STX8: variants seen among roughly 807,000 people sequenced by gnomAD.
The protein encoded by STX8 is syntaxin-8.
In STX8, 23 loss-of-function variants were observed where a neutral mutation model predicts 37.5. The observed-to-expected ratio is 0.61, with a 90% CI of 0.44 to 0.87. STX8 has a LOEUF of 0.87. Ranked by LOEUF, STX8 falls within the 40% of genes least tolerant of loss-of-function variation. STX8 has a pLI of 0.00. For missense variants in STX8, 313 were observed against 284.7 expected, an observed-to-expected ratio of 1.10 and a Z score of -0.71; for synonymous variants, 115 against 99.1, an observed-to-expected ratio of 1.16 and a Z score of -0.95.
chr17:9,555,165 G>T (rs1244340611), intron 3 of STX8: 1 of 152,074 alleles, frequency 6.6e-6, no homozygotes, highest in African/African-American at 2.4e-5. Context: ...AATAACTCTT[G>T]TTCAGTGTTT....
At chr17:9,474,589 G>C (rs1030115756) in intron 6 of STX8, among the ~76,000 whole-genome samples, 4 of 152,196 alleles carry the variant, frequency 2.6e-5, no homozygotes, top group African/African-American at 9.7e-5. Flanking sequence ...ACAGGTTTAA[G>C]GGCTTGATCC....
Position 9,250,636 on chromosome 17 carries a change from A to T in STX8, c.653T>A (p.Met218Lys). 6.3e-7 allele frequency: 1 copy of T among 1,598,092 alleles called. No individual in the cohort carries two copies. The highest frequency in any genetic ancestry group is 8.5e-7 in the Non-Finnish European group (1 of 1,172,290). The stretch of plus-strand genomic sequence containing the variant: ...AGCCACAAGCAGCAGTAAAATCACC[A>T]TGATCATCCCTGGAAAAAAGCAGCA... ...DRKSASCGMI[M>K]VILLLLVAIV... is the part of the protein sequence containing the mutation. Residue 218 changes from methionine (M) to lysine (K), a missense_variant, in exon 8 of 8, where the codon ATG (methionine) becomes AAG (lysine). Coordinates refer to ENST00000306357, the MANE Select transcript of STX8 (RefSeq NM_004853.3).
chr17:9,250,648 G>A lies in STX8; in HGVS notation c.644-3C>T, dbSNP rs775460606. 6.3e-7 allele frequency: 1 copy of A among 1,592,930 alleles called. No individual in the cohort carries two copies. The highest frequency in any genetic ancestry group is 8.6e-7 in the Non-Finnish European group (1 of 1,169,414). On this transcript the variant is annotated splice_region_variant and splice_polypyrimidine_tract_variant and intron_variant, in intron 7 of 7. Coordinates refer to ENST00000306357, the MANE Select transcript of STX8 (RefSeq NM_004853.3). ...CAGTAAAATCACCATGATCATCCCT[G>A]GAAAAAAGCAGCAGAAAATACTACT...
chr17:9,429,743 T>A (rs1229289807), intron 6 of STX8, among the ~76,000 whole-genome samples: 49 of 28,342 alleles, frequency 1.7e-3, no homozygotes, highest in Middle Eastern at 0.017. Context: ...TATTATATAT[T>A]ATATATATTA....
chr17:9,302,089 A>C (rs1284618630), intron 7 of STX8, among the ~76,000 whole-genome samples: 11 of 152,156 alleles, frequency 7.2e-5, no homozygotes, highest in Non-Finnish European at 1.3e-4. Context: ...AATTCTTTGT[A>C]CACTCCTCCT....
At chr17:9,404,859 G>A (rs1912752138) in intron 6 of STX8, among the ~76,000 whole-genome samples, 1 of 152,160 alleles carries the variant, frequency 6.6e-6, no homozygotes, top group African/African-American at 2.4e-5. Flanking sequence ...TCTGGCACTG[G>A]TTTGGAAGCA....
At chr17:9,409,540 G>A (rs1042219497) in intron 6 of STX8, among the ~76,000 whole-genome samples, 16 of 152,056 alleles carry the variant, frequency 1.1e-4, no homozygotes, top group African/African-American at 3.6e-4. Context: ...AATTTCTCAG[G>A]GGAATCGTTC....
At chr17:9,430,770 C>T (rs1913933309) in intron 6 of STX8, among the ~76,000 whole-genome samples, 1 of 151,906 alleles carries the variant, frequency 6.6e-6, no homozygotes. Context: ...CTGCCTCAAC[C>T]TCCCAAGTAG....
chr17:9,367,163 G>GT (rs1198442595), intron 7 of STX8, among the ~76,000 whole-genome samples: 17 of 141,114 alleles, frequency 1.2e-4, no homozygotes, highest in East Asian at 4.0e-4. Context: ...GTGGGTTTTT[G>GT]TTTTTTTTGT....
intron 4 of STX8, among the ~76,000 whole-genome samples, chr17:9,515,175 G>T (rs541056819): frequency 6.6e-6 from 1 of 152,074 alleles, no homozygotes; most frequent in Non-Finnish European, 1.5e-5. Context: ...GTCTAATGTC[G>T]TACTTGGAAG....
chr17:9,370,922 GA>G (rs11435753), intron 7 of STX8, among the ~76,000 whole-genome samples: 2,159 of 141,604 alleles, frequency 0.015, 58 homozygotes, highest in African/African-American at 0.047. Context: ...TTAGAAGCTA[GA>G]AAAAAAAAAA....
chr17:9,252,580 G>C (rs1906625313), intron 7 of STX8, among the ~76,000 whole-genome samples: 1 of 145,948 alleles, frequency 6.9e-6, no homozygotes, highest in African/African-American at 2.6e-5. Flanking sequence ...CTGCAATACA[G>C]CCTGTGCAAC....
chr17:9,479,088 T>C (rs1456473479), intron 6 of STX8, among the ~76,000 whole-genome samples: 3 of 152,294 alleles, frequency 2.0e-5, no homozygotes, highest in South Asian at 2.1e-4. Flanking sequence ...CAGTCACACA[T>C]GCAGCTGGTA....
intron 7 of STX8, among the ~76,000 whole-genome samples, chr17:9,348,626 T>C (rs753784366): frequency 6.6e-6 from 1 of 152,176 alleles, no homozygotes; most frequent in Non-Finnish European, 1.5e-5. Flanking sequence ...TTTGTGCTAG[T>C]TGCTGGGAAT....
At chr17:9,309,372 G>A (rs957067313) in intron 7 of STX8, among the ~76,000 whole-genome samples, 3 of 152,118 alleles carry the variant, frequency 2.0e-5, no homozygotes, top group Non-Finnish European at 4.4e-5. Context: ...AATTAACTCA[G>A]GGCTTCTTCT....
intron 6 of STX8, among the ~76,000 whole-genome samples, chr17:9,416,089 A>G (rs1913182063): frequency 6.6e-6 from 1 of 152,180 alleles, no homozygotes; most frequent in Non-Finnish European, 1.5e-5. Flanking sequence ...GTGTCTCCAG[A>G]GCTGTGCTGA....
At chr17:9,363,078 G>A (rs1337845119) in intron 7 of STX8, among the ~76,000 whole-genome samples, 5 of 152,088 alleles carry the variant, frequency 3.3e-5, no homozygotes, top group African/African-American at 9.7e-5. Context: ...GTGAGTGCAC[G>A]TGTGTATACA....
At chr17:9,544,492 A>G (rs778255637) in intron 4 of STX8, among the ~76,000 whole-genome samples, 1 of 152,008 alleles carries the variant, frequency 6.6e-6, no homozygotes, top group African/African-American at 2.4e-5. Context: ...TCATGTTCTC[A>G]ATATGCCAAT....
intron 7 of STX8, among the ~76,000 whole-genome samples, chr17:9,323,852 G>C (rs1323189426): frequency 6.6e-6 from 1 of 152,168 alleles, no homozygotes; most frequent in African/African-American, 2.4e-5. Context: ...ATGAGGACCA[G>C]AGCAGGTGGC....
Sources: allele counts gnomAD v4.1 joint callset (sites outside exome capture counted in the v4.1 genomes callset), GRCh38; gene constraint gnomAD v4.1.1; transcripts MANE v1.5; gene names NCBI Gene and HGNC (gene_info 2026-07-23, HGNC 2026-07-21).